The following RYR3 variants were observed in gnomAD, a reference collection of about 807,000 sequenced individuals.
The protein encoded by RYR3 is brain ryanodine receptor-calcium release channel.
In RYR3, 207 loss-of-function variants were observed where a neutral mutation model predicts 584.3. That is an observed-to-expected ratio of 0.35 (90% CI 0.32 to 0.40). The LOEUF is 0.40. RYR3 is among the 10% of genes least tolerant of loss of function. The pLI is 1.00. For missense variants in RYR3, 5,616 were observed against 6,089.2 expected (o/e 0.92, Z 2.59); for synonymous variants, 2,416 against 2,248.5 (o/e 1.07, Z -2.11).
chr15:33,829,751 CA>C (rs56172137), intron 85 of RYR3, among the ~76,000 whole-genome samples: 91,511 of 134,102 alleles, frequency 0.68, 30,548 homozygotes, highest in East Asian at 0.94. Flanking sequence ...GACTCTGTCT[CA>C]AAAAAAAAAA....
chr15:33,729,042 A>G lies in RYR3; in HGVS notation c.7203+16A>G, dbSNP rs2068704606. ...TCTAGATACAGTAAGTTGCAAAAAT[A>G]ACAAAAAATTATTGTTCCCATCATT... is the stretch of plus-strand genomic sequence containing the variant. On this transcript the variant is annotated intron_variant, in intron 47 of 103. Transcript: ENST00000634891. 1 of 1,606,528 alleles carries G rather than the reference A, an allele frequency of 6.2e-7. No individual in the cohort carries two copies. The highest frequency in any genetic ancestry group is 1.3e-5 in the African/African-American group (1 of 74,562).
chr15:33,731,726 G>A (rs2068968983), intron 48 of RYR3, 32 bp downstream of exon 48: 1 of 1,419,730 alleles, frequency 7.0e-7, no homozygotes, highest in Non-Finnish European at 9.9e-7. Context: ...TTACTTCTGT[G>A]TATGCATCCA....
intron 38 of RYR3, among the ~76,000 whole-genome samples, chr15:33,671,941 ATAGCTGGGAT>A (rs1243340907): frequency 6.7e-6 from 1 of 150,042 alleles, no homozygotes; most frequent in African/African-American, 2.4e-5. Context: ...AGCCTCCCAA[ATAGCTGGGAT>A]TACAGGCATG....
chr15:33,629,175 A>G (rs1286781723), intron 21 of RYR3, among the ~76,000 whole-genome samples: 3 of 152,238 alleles, frequency 2.0e-5, no homozygotes, highest in Non-Finnish European at 4.4e-5. Context: ...TGGCTTCACC[A>G]TTGAACTCCT....
intron 44 of RYR3, 99 bp from the exon 45 acceptor site, chr15:33,723,966 C>G (rs2068142848): frequency 1.5e-6 from 1 of 649,698 alleles, no homozygotes; most frequent in Non-Finnish European, 2.8e-6. Context: ...GTATGATATG[C>G]AAGAAGAGCA....
chr15:33,857,472 A>G (rs2079811714), intron 98 of RYR3, among the ~76,000 whole-genome samples: 1 of 152,080 alleles, frequency 6.6e-6, no homozygotes, highest in Admixed American at 6.5e-5. Flanking sequence ...CTCCATCTCC[A>G]AATACAGTCA....
chr15:33,360,611 C>T (rs1974627841), intron 1 of RYR3, among the ~76,000 whole-genome samples: 1 of 152,158 alleles, frequency 6.6e-6, no homozygotes, highest in African/African-American at 2.4e-5. Context: ...TGAAGACACA[C>T]ATTTTCATTT....
intron 67 of RYR3, among the ~76,000 whole-genome samples, chr15:33,792,311 T>A (rs1347970177): frequency 6.6e-6 from 1 of 152,128 alleles, no homozygotes; most frequent in East Asian, 1.9e-4. Context: ...CACAATATAA[T>A]GAACTTACCC....
intron 60 of RYR3, among the ~76,000 whole-genome samples, chr15:33,759,135 C>A (rs2152864213): frequency 6.6e-6 from 1 of 152,322 alleles, no homozygotes; most frequent in African/African-American, 2.4e-5. Flanking sequence ...AAAGCTCCAT[C>A]CAAAGGTCAC....
At chr15:33,737,741 T>C (rs943419310) in intron 49 of RYR3, among the ~76,000 whole-genome samples, 10 of 152,236 alleles carry the variant, frequency 6.6e-5, no homozygotes, top group Non-Finnish European at 1.0e-4. Context: ...CTGCAAGCCT[T>C]TGCTGCCAGC....
At chr15:33,527,763 C>T (rs1319339644) in intron 3 of RYR3, among the ~76,000 whole-genome samples, 1 of 152,064 alleles carries the variant, frequency 6.6e-6, no homozygotes, top group African/African-American at 2.4e-5. Flanking sequence ...AAGAAAGTAA[C>T]ATGATGTGAT....
At position 33,676,041 on chromosome 15, in the gene RYR3, C is replaced by CA. The variant is rs534645479; in HGVS notation, c.5860+5493dup. 1.5e-4 allele frequency among the ~76,000 whole-genome samples: 23 copies of CA among 151,134 alleles called. No individual in the cohort carries two copies. In the South Asian group the frequency reaches 2.3e-3, roughly 15 times the overall value. ...CTGTGGATATGTTAGGTTAAATGGTCAAAAAAAATGCAGATGGAATTAAGA... is the reference window on the plus strand; with the variant it reads ...CTGTGGATATGTTAGGTTAAATGGTCAAAAAAAAATGCAGATGGAATTAAGA... On this transcript the variant is annotated intron_variant, in intron 38 of 103. Coordinates refer to ENST00000634891, the MANE Select transcript of RYR3 (RefSeq NM_001036.6).
intron 2 of RYR3, among the ~76,000 whole-genome samples, chr15:33,474,728 A>G (rs1442938187): frequency 6.6e-6 from 1 of 152,160 alleles, no homozygotes; most frequent in Non-Finnish European, 1.5e-5. Flanking sequence ...AATTGGTAAC[A>G]TTTTCCAAAA....
intron 8 of RYR3, among the ~76,000 whole-genome samples, chr15:33,544,255 C>T (rs1489991912): frequency 2.0e-5 from 3 of 151,918 alleles, no homozygotes; most frequent in East Asian, 1.9e-4. Flanking sequence ...AAGTCTTAAA[C>T]GCATACTAAA....
rs746326366 is a variant in RYR3 at position 33,566,737 on chromosome 15, T to C, written c.1206T>C (p.Arg402=). ...DDGLTLQRCQ[R]EESQAARIIR... ...GATTAACACTGCAGAGATGCCAGCGTGAGGAGTCCCAGGCTGCTCGGATCA... is the reference window on the plus strand; with the variant it reads ...GATTAACACTGCAGAGATGCCAGCGCGAGGAGTCCCAGGCTGCTCGGATCA... The change falls in exon 12 of 104, where the codon CGT becomes CGC. Residue 402 remains arginine (R), a synonymous_variant. Coordinates refer to ENST00000634891, the MANE Select transcript of RYR3 (RefSeq NM_001036.6). 6.2e-7 allele frequency: 1 copy of C among 1,613,800 alleles called. No homozygotes were observed. Among genetic ancestry groups the C allele is most frequent in the South Asian group, 1.1e-5 (1 of 91,086 alleles).
rs766498792 is a variant in RYR3 at position 33,649,278 on chromosome 15, C to T, written c.4142+43C>T. 3 of 1,572,386 alleles carry T rather than the reference C, an allele frequency of 1.9e-6. No individual in the cohort carries two copies. The East Asian group carries it at 6.7e-5, about 35-fold the overall frequency. ...TGGCAGGGTTAGCCATCGGGCTTCT[C>T]AGTCCCTCCCCCCAGTCTTTTTCTT... On this transcript the variant is annotated intron_variant, in intron 31 of 103. Coordinates refer to ENST00000634891, the MANE Select transcript of RYR3 (RefSeq NM_001036.6).
chr15:33,645,559 G>A (rs895667142), intron 28 of RYR3, among the ~76,000 whole-genome samples: 4 of 152,112 alleles, frequency 2.6e-5, no homozygotes, highest in Non-Finnish European at 5.9e-5. Flanking sequence ...ACTGTTGGAG[G>A]TCATGAACCC....
intron 46 of RYR3, among the ~76,000 whole-genome samples, chr15:33,728,547 A>C (rs1476225909): frequency 6.6e-6 from 1 of 152,208 alleles, no homozygotes; most frequent in African/African-American, 2.4e-5. Context: ...TGGGACTAGA[A>C]GCGTGTTGGA....
At chr15:33,606,701 G>T (rs903862738) in intron 18 of RYR3, among the ~76,000 whole-genome samples, 2 of 152,126 alleles carry the variant, frequency 1.3e-5, no homozygotes, top group Non-Finnish European at 2.9e-5. Flanking sequence ...TCCCTCTCTG[G>T]ATGGAGACTC....
Sources: allele counts gnomAD v4.1 joint callset (sites outside exome capture counted in the v4.1 genomes callset), GRCh38; gene constraint gnomAD v4.1.1; transcripts MANE v1.5; gene names NCBI Gene and HGNC (gene_info 2026-07-23, HGNC 2026-07-21).